The following PRKCE variants were observed in gnomAD, a reference collection of about 807,000 sequenced individuals.
The protein encoded by PRKCE is protein kinase C epsilon type.
PRKCE carries 16 observed loss-of-function variants against 85.4 expected under a neutral mutation model. The observed-to-expected ratio is 0.19, with a 90% confidence interval of 0.13 to 0.28. PRKCE has a LOEUF of 0.28. Among genes scored for constraint, PRKCE ranks in the 10% least tolerant of loss-of-function variants. The pLI, the probability that PRKCE is intolerant of heterozygous loss-of-function variation, is 1.00. For synonymous variants in PRKCE, 388 were observed against 371.5 expected, an observed-to-expected ratio of 1.04 and a Z score of -0.51; for missense variants, 573 against 975.2, an observed-to-expected ratio of 0.59 and a Z score of 5.49.
intron 11 of PRKCE, among the ~76,000 whole-genome samples, chr2:46,092,368 TA>T (rs1333839020): frequency 1.3e-5 from 2 of 152,050 alleles, no homozygotes; most frequent in African/African-American, 2.4e-5. Context: ...AATGAGCCCT[TA>T]TCATCATTCC....
chr2:46,084,671 G>A (rs1284128117), intron 10 of PRKCE, among the ~76,000 whole-genome samples: 1 of 144,398 alleles, frequency 6.9e-6, no homozygotes, highest in East Asian at 2.1e-4. Context: ...GCAGTGAGCT[G>A]AGATCGCACC....
chr2:45,983,914 C>T (rs1703098915), intron 5 of PRKCE, among the ~76,000 whole-genome samples: 1 of 151,006 alleles, frequency 6.6e-6, no homozygotes, highest in South Asian at 2.1e-4. Context: ...GGCTTCCAGG[C>T]ACACAGCAGT....
chr2:46,165,616 T>A (rs967880514), intron 14 of PRKCE, among the ~76,000 whole-genome samples: 1 of 152,254 alleles, frequency 6.6e-6, no homozygotes, highest in Non-Finnish European at 1.5e-5. Flanking sequence ...GCTTTTGTGT[T>A]ACTGATGGGC....
chr2:45,711,732 A>G (rs1281598489), intron 1 of PRKCE, among the ~76,000 whole-genome samples: 3 of 152,214 alleles, frequency 2.0e-5, no homozygotes, highest in East Asian at 1.9e-4. Flanking sequence ...GGTTCAAGCA[A>G]TTCTGCCTCA....
chr2:46,125,282 C>T (rs1038716596), intron 11 of PRKCE, among the ~76,000 whole-genome samples: 21 of 152,060 alleles, frequency 1.4e-4, no homozygotes, highest in Middle Eastern at 3.2e-3. Flanking sequence ...AGGCGTCATC[C>T]CCGGTATGTG....
intron 1 of PRKCE, among the ~76,000 whole-genome samples, chr2:45,737,326 A>C (rs1003197594): frequency 6.6e-6 from 1 of 152,170 alleles, no homozygotes; most frequent in Non-Finnish European, 1.5e-5. Context: ...ACACTCTTCA[A>C]GGAGTCATCC....
At chr2:45,720,394 C>T (rs1680514387) in intron 1 of PRKCE, among the ~76,000 whole-genome samples, 1 of 152,040 alleles carries the variant, frequency 6.6e-6, no homozygotes, top group Non-Finnish European at 1.5e-5. Context: ...CCCAGTACCT[C>T]CCAGGGGTAG....
intron 10 of PRKCE, among the ~76,000 whole-genome samples, chr2:46,048,164 G>C (rs935978961): frequency 6.6e-6 from 1 of 151,396 alleles, no homozygotes; most frequent in African/African-American, 2.4e-5. Flanking sequence ...TGGGCACTTA[G>C]GGGAAAAGGA....
Position 45,881,045 on chromosome 2 carries a change from T to C in PRKCE, c.412+37982T>C, listed in dbSNP as rs981197866. On this transcript the variant is annotated intron_variant, in intron 2 of 14. Transcript: ENST00000306156. ...GCGGGCGCCTGTAGTCCCAGCTACT[T>C]GGGAGGCTGAGGCAGGAGAATGGCG... Among the ~76,000 whole-genome samples the C allele has an allele frequency of 6.2e-5, 9 of 145,518 alleles. 1 individual carries two copies. Among genetic ancestry groups the C allele is most frequent in the Admixed American group, 2.1e-4 (3 of 14,148 alleles).
chr2:45,950,592 C>T (rs933459763), intron 2 of PRKCE, among the ~76,000 whole-genome samples: 3 of 152,086 alleles, frequency 2.0e-5, no homozygotes, highest in East Asian at 1.9e-4. Flanking sequence ...CTCGACTGTG[C>T]CCCAGTTTCC....
chr2:46,056,011 G>C (rs540934204), intron 10 of PRKCE, among the ~76,000 whole-genome samples: 30 of 152,244 alleles, frequency 2.0e-4, no homozygotes, highest in Admixed American at 7.8e-4. Context: ...AAAAATACAG[G>C]ACTTCAGGGG....
chr2:45,681,895 TG>T (rs1411589041), intron 1 of PRKCE, among the ~76,000 whole-genome samples: 1 of 152,220 alleles, frequency 6.6e-6, no homozygotes, highest in African/African-American at 2.4e-5. Flanking sequence ...TATTACATCC[TG>T]TCTTGGGTTA....
chr2:46,056,927 C>A (rs1666636272), intron 10 of PRKCE, among the ~76,000 whole-genome samples: 1 of 152,214 alleles, frequency 6.6e-6, no homozygotes, highest in African/African-American at 2.4e-5. Flanking sequence ...AAAGAAATCA[C>A]CCCAAAACTC....
chr2:45,974,638 T>C (rs774530517), intron 2 of PRKCE, among the ~76,000 whole-genome samples: 1 of 152,172 alleles, frequency 6.6e-6, no homozygotes, highest in African/African-American at 2.4e-5. Flanking sequence ...ACCTTCCCTC[T>C]ACCCTACCCT....
At chr2:45,992,415 C>T (rs1421574760) in intron 6 of PRKCE, among the ~76,000 whole-genome samples, 1 of 152,212 alleles carries the variant, frequency 6.6e-6, no homozygotes, top group Non-Finnish European at 1.5e-5. Context: ...TTTGGCCCAG[C>T]ATGACCCCAG....
intron 11 of PRKCE, among the ~76,000 whole-genome samples, chr2:46,115,285 A>G (rs1672660006): frequency 6.6e-6 from 1 of 152,240 alleles, no homozygotes; most frequent in Non-Finnish European, 1.5e-5. Flanking sequence ...ATTCTCAGGC[A>G]TTGCTGTCCA....
At position 45,652,001 on chromosome 2, in the gene PRKCE, A is replaced by G. The variant is rs1675148655; in HGVS notation, c.-100A>G. The G allele has an allele frequency of 2.1e-6, 2 of 942,622 alleles. No homozygotes were observed. Among genetic ancestry groups the G allele is most frequent in the African/African-American group, 3.3e-5 (2 of 60,288 alleles). 58.4% of individuals were successfully genotyped at this position (942,622 alleles called of 1,614,324 possible). ...AGTGTGCGGGGTGGGGCGAAAGGGG[A>G]CCCAAGAGTCCCTGTGGCTCGGAGT... On this transcript the variant is annotated 5_prime_UTR_variant, in exon 1 of 15. Coordinates refer to ENST00000306156, the MANE Select transcript of PRKCE (RefSeq NM_005400.3). The surrounding 1 kb of genome is among the most constrained non-coding windows in gnomAD (Gnocchi z 7.7).
At chr2:46,147,030 T>G (rs1389404843) in intron 12 of PRKCE, among the ~76,000 whole-genome samples, 1 of 152,126 alleles carries the variant, frequency 6.6e-6, no homozygotes. Context: ...AGTGAGGGAC[T>G]GATGGTCAGG....
At chr2:45,773,107 G>C (rs1305128518) in intron 1 of PRKCE, among the ~76,000 whole-genome samples, 1 of 152,192 alleles carries the variant, frequency 6.6e-6, no homozygotes, top group Non-Finnish European at 1.5e-5. Context: ...GCCCCTCCGA[G>C]GGGCTTTTGA....
Sources: allele counts gnomAD v4.1 joint callset (sites outside exome capture counted in the v4.1 genomes callset), GRCh38; gene constraint gnomAD v4.1.1; non-coding constraint Gnocchi (gnomAD v3.1); transcripts MANE v1.5; gene names NCBI Gene and HGNC (gene_info 2026-07-23, HGNC 2026-07-21).